MFHAS1: variants seen among roughly 807,000 people sequenced by gnomAD.
The protein encoded by MFHAS1 is multifunctional ROCO family signaling regulator 1, also known as malignant fibrous histiocytoma-amplified sequence 1.
Under a neutral mutation model 70.4 loss-of-function variants are expected in MFHAS1, and 50 were observed. That is an observed-to-expected ratio of 0.71 (90% confidence interval 0.57 to 0.90). The LOEUF (loss-of-function observed/expected upper bound fraction) is 0.90, where lower values mean the gene tolerates loss of function less well. Ranked by LOEUF, MFHAS1 falls within the 40% of genes least tolerant of loss-of-function variation. The pLI is 0.00. For synonymous variants in MFHAS1, 952 were observed against 620.0 expected (o/e 1.54, Z -7.96); for missense variants, 1,795 against 1,347.6 (o/e 1.33, Z -5.20).
At position 8,890,838 on chromosome 8, in the gene MFHAS1, A is replaced by C. The variant is rs1461291797; in HGVS notation, c.2221T>G (p.Phe741Val). ...AGCAGCAAAGAGGGATCCCTCTGGAAGAAGACATTGAGGATGTCGATGAGG... is the reference window on the plus strand; with the variant it reads ...AGCAGCAAAGAGGGATCCCTCTGGACGAAGACATTGAGGATGTCGATGAGG... ...TRLIDILNVF[F>V]QRDPSLLLHK... Residue 741 changes from phenylalanine (F) to valine (V), a missense_variant, in exon 1 of 3, where the codon TTC (phenylalanine) becomes GTC (valine). Phe to Val is a conservative substitution (Grantham distance 50, BLOSUM62 -1). Transcript: ENST00000276282. 1 of 1,614,238 alleles carries C rather than the reference A, an allele frequency of 6.2e-7. No individual in the cohort carries two copies. The highest frequency in any genetic ancestry group is 8.5e-7 in the Non-Finnish European group (1 of 1,180,030).
chr8:8,804,302 G>A (rs920673289), intron 1 of MFHAS1, among the ~76,000 whole-genome samples: 1 of 152,062 alleles, frequency 6.6e-6, no homozygotes, highest in Non-Finnish European at 1.5e-5. Flanking sequence ...TGAGTTCTGG[G>A]CAATTTAACA....
chr8:8,879,613 AT>A (rs749469019), intron 1 of MFHAS1, among the ~76,000 whole-genome samples: 14 of 151,988 alleles, frequency 9.2e-5, no homozygotes, highest in African/African-American at 3.4e-4. Context: ...GTAGGATCAC[AT>A]TTTTTTTCTG....
At chr8:8,795,591 G>T (rs1396766724) in intron 2 of MFHAS1, among the ~76,000 whole-genome samples, 1 of 152,228 alleles carries the variant, frequency 6.6e-6, no homozygotes, top group East Asian at 1.9e-4. Flanking sequence ...GATAGATTAG[G>T]GATGTTCTAT....
Position 8,892,340 on chromosome 8 carries a change from C to T in MFHAS1, c.719G>A (p.Gly240Asp), listed in dbSNP as rs372881398. The T allele has an allele frequency of 6.2e-7, 1 of 1,611,678 alleles. No homozygotes were observed. Among genetic ancestry groups the T allele is most frequent in the Non-Finnish European group, 8.5e-7 (1 of 1,179,916 alleles). Reference protein sequence around the residue: ...KILWLSGAELGTLPAGFCELA... With the variant: ...KILWLSGAELDTLPAGFCELA... Reference sequence around the variant, plus strand: ...CTCGCAGAAGCCGGCGGGCAGCGTGCCAAGCTCGGCCCCACTCAGCCAGAG... The same window carrying T: ...CTCGCAGAAGCCGGCGGGCAGCGTGTCAAGCTCGGCCCCACTCAGCCAGAG... The change falls in exon 1 of 3, where the codon GGC becomes GAC. Residue 240 changes from glycine to aspartate, a missense_variant. Transcript: ENST00000276282. The surrounding 1 kb of genome is among the most constrained non-coding windows in gnomAD (Gnocchi z 4.7).
At chr8:8,825,776 G>C (rs34731491) in intron 1 of MFHAS1, among the ~76,000 whole-genome samples, 7,502 of 152,194 alleles carry the variant, frequency 0.049, 319 homozygotes, top group Non-Finnish European at 0.068. Flanking sequence ...GAATTTTAGA[G>C]GGAACACAAT....
At chr8:8,857,406 G>T (rs967021404) in intron 1 of MFHAS1, among the ~76,000 whole-genome samples, 21 of 152,004 alleles carry the variant, frequency 1.4e-4, no homozygotes, top group African/African-American at 4.6e-4. Flanking sequence ...GAATTTTCTG[G>T]GCTTAGGTCC....
chr8:8,862,648 G>T (rs1448529454), intron 1 of MFHAS1, among the ~76,000 whole-genome samples: 1 of 152,098 alleles, frequency 6.6e-6, no homozygotes, highest in African/African-American at 2.4e-5. Flanking sequence ...TATAACGGTG[G>T]ATACATCTAA....
chr8:8,819,642 T>C (rs187430313), intron 1 of MFHAS1, among the ~76,000 whole-genome samples: 241 of 149,740 alleles, frequency 1.6e-3, no homozygotes, highest in Non-Finnish European at 2.5e-3. Flanking sequence ...TCCAAGAATC[T>C]GGCCAAAGTG....
chr8:8,890,326 A>C lies in MFHAS1; in HGVS notation c.2733T>G (p.Asp911Glu). ...QINSHVVHRS[D>E]GKFQIFAYRG... ...TATAGGCAAAGATCTGAAATTTACC[A>C]TCCGACCTGTGCACCACATGGCTGT... The change falls in exon 1 of 3, where the codon GAT becomes GAG. Residue 911 changes from aspartate (D) to glutamate (E), a missense_variant. Asp to Glu is a conservative substitution (Grantham distance 45, BLOSUM62 2). Coordinates refer to ENST00000276282, the MANE Select transcript of MFHAS1 (RefSeq NM_004225.3). 1.2e-6 allele frequency: 2 copies of C among 1,614,198 alleles called. No individual in the cohort carries two copies. Among genetic ancestry groups the C allele is most frequent in the Non-Finnish European group, 1.7e-6 (2 of 1,180,030 alleles).
chr8:8,865,274 CTCAA>C (rs1808813708), intron 1 of MFHAS1, among the ~76,000 whole-genome samples: 1 of 65,768 alleles, frequency 1.5e-5, no homozygotes. Flanking sequence ...GAGACTCCAT[CTCAA>C]AAAAAAAAAA....
Position 8,890,477 on chromosome 8 carries a change from G to C in MFHAS1, c.2582C>G (p.Ala861Gly), listed in dbSNP as rs1477433752. ...PCYVQNEVPH[A>G]EAWINGTNLA... is the part of the protein sequence containing the mutation. ...GTTGGTCCCATTAATCCAGGCTTCT[G>C]CATGGGGCACCTCGTTCTGCACATA... Residue 861 changes from alanine (A) to glycine (G), a missense_variant, in exon 1 of 3, where the codon GCA (alanine) becomes GGA (glycine). By Grantham distance (60) the Ala-to-Gly change is moderately conservative (BLOSUM62 0). Transcript: ENST00000276282. 1 of 1,613,806 alleles carries C rather than the reference G, an allele frequency of 6.2e-7. No individual in the cohort carries two copies.
intron 1 of MFHAS1, among the ~76,000 whole-genome samples, chr8:8,841,846 T>C (rs1807839154): frequency 6.6e-6 from 1 of 152,260 alleles, no homozygotes; most frequent in Non-Finnish European, 1.5e-5. Context: ...CTTATGTTGC[T>C]GCAGAATTTT....
chr8:8,852,388 C>A lies in MFHAS1; in HGVS notation c.2998+37673G>T, dbSNP rs1322956122. On this transcript the variant is annotated intron_variant, in intron 1 of 2. Coordinates refer to ENST00000276282, the MANE Select transcript of MFHAS1 (RefSeq NM_004225.3). Reference sequence around the variant, plus strand: ...ACTTGGGAGGCTGAGGCAAGAGAATCGCTTGAACCTGGGAGGCGGAGGCTG... The same window carrying A: ...ACTTGGGAGGCTGAGGCAAGAGAATAGCTTGAACCTGGGAGGCGGAGGCTG... Among the ~76,000 whole-genome samples, 7 of 152,090 alleles carry A rather than the reference C, an allele frequency of 4.6e-5. 1 individual carries two copies. The South Asian group carries it at 1.5e-3, about 32-fold the overall frequency.
At chr8:8,803,303 T>A (rs999782629) in intron 1 of MFHAS1, among the ~76,000 whole-genome samples, 2 of 151,298 alleles carry the variant, frequency 1.3e-5, no homozygotes, top group African/African-American at 4.9e-5. Context: ...TCATTTGAGG[T>A]CAGGAGTTCA....
At chr8:8,807,815 A>C (rs915196619) in intron 1 of MFHAS1, among the ~76,000 whole-genome samples, 6 of 152,210 alleles carry the variant, frequency 3.9e-5, no homozygotes, top group African/African-American at 1.4e-4. Flanking sequence ...CTACAACATT[A>C]TTCTCTTAGT....
chr8:8,892,786 G>T lies in MFHAS1; in HGVS notation c.273C>A (p.Val91=), dbSNP rs770666525. ...GLGSALGSLR[V]LVLRRNRFAR... is the part of the protein sequence containing the mutation. ...CGAAGCGGTTCCTGCGCAGGACCAG[G>T]ACGCGCAGGCTGCCCAGCGCCGACC... Residue 91 remains valine (V), a synonymous_variant, in exon 1 of 3, where the codon GTC becomes GTA. Transcript: ENST00000276282. The surrounding 1 kb of genome is among the most constrained non-coding windows in gnomAD (Gnocchi z 4.7). 4 of 1,585,060 alleles carry T rather than the reference G, an allele frequency of 2.5e-6. 1 individual carries two copies. The South Asian group carries it at 3.4e-5, about 14-fold the overall frequency.
chr8:8,820,806 C>A (rs759120232), intron 1 of MFHAS1, among the ~76,000 whole-genome samples: 1 of 152,200 alleles, frequency 6.6e-6, no homozygotes, highest in Admixed American at 6.5e-5. Flanking sequence ...TGACCAAGTG[C>A]GAAGCATGAT....
At chr8:8,881,945 G>C (rs1809541959) in intron 1 of MFHAS1, among the ~76,000 whole-genome samples, 1 of 152,096 alleles carries the variant, frequency 6.6e-6, no homozygotes, top group African/African-American at 2.4e-5. Flanking sequence ...ATGCACATTT[G>C]CATCCTGCTG....
Position 8,886,194 on chromosome 8 carries a change from T to C in MFHAS1, c.2998+3867A>G, listed in dbSNP as rs747516877. Among the ~76,000 whole-genome samples the C allele has an allele frequency of 1.5e-3, 230 of 152,286 alleles. 3 individuals carry two copies. The highest frequency in any genetic ancestry group is 2.3e-3 in the Non-Finnish European group (159 of 68,020). On this transcript the variant is annotated intron_variant, in intron 1 of 2. Coordinates refer to ENST00000276282, the MANE Select transcript of MFHAS1 (RefSeq NM_004225.3). Reference sequence around the variant, plus strand: ...TGCATTTTCCAATCATTTCTTTTTTTTTTTTTAAGAGACAGGGTCAGAGTG... The same window carrying C: ...TGCATTTTCCAATCATTTCTTTTTTCTTTTTTAAGAGACAGGGTCAGAGTG...
Sources: gnomAD v4.1 joint callset for allele counts (sites outside exome capture counted in the v4.1 genomes callset) on GRCh38, gnomAD v4.1.1 for gene constraint, Gnocchi (gnomAD v3.1) non-coding constraint, MANE v1.5 for transcripts, NCBI Gene and HGNC (gene_info 2026-07-23, HGNC 2026-07-21) for gene names.